Variants in SVEP1 observed in about 807,000 individuals in gnomAD.
SVEP1 encodes the protein sushi, von Willebrand factor type A, EGF and pentraxin domain containing 1, also known as sushi, von Willebrand factor type A, EGF and pentraxin domain-containing protein 1.
SVEP1 carries 164 observed loss-of-function variants against 367.3 expected under a neutral mutation model. That is an observed-to-expected ratio of 0.45 (90% confidence interval 0.39 to 0.51). The LOEUF is 0.51. Ranked by LOEUF, SVEP1 falls within the 20% of genes least tolerant of loss-of-function variation. The pLI is 0.00. For synonymous variants in SVEP1, 1,666 were observed against 1,611.6 expected (o/e 1.03, Z -0.81); for missense variants, 4,117 against 4,425.3 (o/e 0.93, Z 1.98).
intron 47 of SVEP1, 68 bp from the exon 48 acceptor site, chr9:110,366,628 CT>C (rs2118929411): frequency 6.9e-7 from 1 of 1,455,524 alleles, no homozygotes; most frequent in East Asian, 2.5e-5. Context: ...GCTAACATCT[CT>C]TTAGGAGTTG....
chr9:110,549,724 A>C, intron 2 of SVEP1, 125 bp downstream of exon 2: 1 of 1,214,034 alleles, frequency 8.2e-7, no homozygotes, highest in Non-Finnish European at 1.1e-6. Flanking sequence ...CAAAGGACAC[A>C]TGGGCATCAT....
intron 3 of SVEP1, among the ~76,000 whole-genome samples, chr9:110,528,154 G>GTATATATATATA (rs1265572366): frequency 2.4e-3 from 61 of 25,688 alleles, no homozygotes; most frequent in Non-Finnish European, 4.0e-3. Flanking sequence ...GTGTGTGTGT[G>GTATATATATATA]TGTATATATA....
chr9:110,496,613 T>C (rs1047326028), intron 8 of SVEP1, among the ~76,000 whole-genome samples: 1 of 152,228 alleles, frequency 6.6e-6, no homozygotes, highest in African/African-American at 2.4e-5. Context: ...TGGCCTATTG[T>C]GGAACTTCAC....
At chr9:110,564,664 T>A (rs1286020725) in intron 1 of SVEP1, among the ~76,000 whole-genome samples, 1 of 152,124 alleles carries the variant, frequency 6.6e-6, no homozygotes, top group African/African-American at 2.4e-5. Flanking sequence ...TCATTTTTTT[T>A]ATTTGTTTGT....
rs774256784 is a variant in SVEP1 at position 110,471,352 on chromosome 9, G to A, written c.2998+12C>T. On this transcript the variant is annotated intron_variant, in intron 16 of 47. Transcript: ENST00000374469. ...TGCACCAAATATTTTTGATCACAGG[G>A]AACAGTCTTACCACACATACGCCCT... 5.6e-6 allele frequency: 9 copies of A among 1,609,570 alleles called. No individual in the cohort carries two copies. Among genetic ancestry groups the A allele is most frequent in the Non-Finnish European group, 7.6e-6 (9 of 1,176,938 alleles).
At chr9:110,578,656 G>GTC (rs1206980017) in intron 1 of SVEP1, among the ~76,000 whole-genome samples, 5 of 152,144 alleles carry the variant, frequency 3.3e-5, no homozygotes, top group Non-Finnish European at 7.3e-5. Flanking sequence ...ATCACTCCAT[G>GTC]TCCTACCTTT....
intron 18 of SVEP1, among the ~76,000 whole-genome samples, chr9:110,461,420 G>A (rs1828855685): frequency 6.6e-6 from 1 of 152,144 alleles, no homozygotes; most frequent in Non-Finnish European, 1.5e-5. Context: ...ATGGAAGACA[G>A]AACACAAAAA....
intron 46 of SVEP1, among the ~76,000 whole-genome samples, chr9:110,372,872 G>T (rs893729873): frequency 4.6e-5 from 7 of 152,190 alleles, no homozygotes; most frequent in Non-Finnish European, 8.8e-5. Flanking sequence ...AGAATTCAGG[G>T]TGGATGTGGA....
At position 110,411,646 on chromosome 9, in the gene SVEP1, T is replaced by C. The variant is rs765746869; in HGVS notation, c.6065A>G (p.Asp2022Gly). 5 of 1,611,232 alleles carry C rather than the reference T, an allele frequency of 3.1e-6. No homozygotes were observed. The highest frequency in any genetic ancestry group is 4.2e-6 in the Non-Finnish European group (5 of 1,178,700). Residue 2022 changes from aspartate (D) to glycine (G), a missense_variant, in exon 37 of 48, where the codon GAT becomes GGT. By Grantham distance (94) the Asp-to-Gly change is moderately conservative. Around this residue, in one of 4 missense-constraint regions of SVEP1, gnomAD observed 2,174 missense variants for 2,494.3 expected, o/e 0.87. Coordinates refer to ENST00000374469, the MANE Select transcript of SVEP1 (RefSeq NM_153366.4). ...GGCGTGGTCCACAATGGGTGGCTCA[T>C]CACAGGAGACAGCCAGGCACTGCTG... ...SDQQCLAVSC[D>G]EPPIVDHASP...
chr9:110,555,816 C>T lies in SVEP1; in HGVS notation c.532-5712G>A, dbSNP rs186323044. On this transcript the variant is annotated intron_variant, in intron 1 of 47. Coordinates refer to ENST00000374469, the MANE Select transcript of SVEP1 (RefSeq NM_153366.4). ...GATTTACTGAAAATAATTTACCCCT[C>T]GCCCCAATCTTTGTGCTTCATCGTA... Among the ~76,000 whole-genome samples, 353 of 152,238 alleles carry T rather than the reference C, an allele frequency of 2.3e-3. 2 individuals are homozygous for T. Among genetic ancestry groups the T allele is most frequent in the African/African-American group, 7.7e-3 (320 of 41,538 alleles).
chr9:110,510,470 A>G (rs2118770383), intron 5 of SVEP1, among the ~76,000 whole-genome samples: 1 of 152,372 alleles, frequency 6.6e-6, no homozygotes, highest in African/African-American at 2.4e-5. Flanking sequence ...GCAGATGCAC[A>G]GATGCACGTG....
intron 44 of SVEP1, among the ~76,000 whole-genome samples, chr9:110,378,636 C>T (rs1425362094): frequency 6.6e-6 from 1 of 151,622 alleles, no homozygotes; most frequent in Non-Finnish European, 1.5e-5. Flanking sequence ...TCTTTTGTTG[C>T]CATTGCTTTT....
At chr9:110,373,625 A>ATTTTTTTTTTTTTTTTTTTTTTTTTT (rs1827308835) in intron 46 of SVEP1, among the ~76,000 whole-genome samples, 1 of 152,046 alleles carries the variant, frequency 6.6e-6, no homozygotes, top group African/African-American at 2.4e-5. Context: ...AGCAAGCCCT[A>ATTTTTTTTTTTTTTTTTTTTTTTTTT]TGTTTTAAGT....
intron 1 of SVEP1, among the ~76,000 whole-genome samples, chr9:110,555,713 G>A (rs773014376): frequency 6.6e-6 from 1 of 152,038 alleles, no homozygotes; most frequent in Non-Finnish European, 1.5e-5. Context: ...AGCAAGAATA[G>A]CAGGACTAGT....
intron 3 of SVEP1, among the ~76,000 whole-genome samples, chr9:110,545,121 C>A (rs1830202569): frequency 6.6e-6 from 1 of 152,172 alleles, no homozygotes; most frequent in South Asian, 2.1e-4. Context: ...GCTGAGTAGT[C>A]TTCCATTGTG....
intron 1 of SVEP1, among the ~76,000 whole-genome samples, chr9:110,557,668 A>G (rs889336463): frequency 1.1e-4 from 17 of 152,306 alleles, no homozygotes; most frequent in Non-Finnish European, 1.9e-4. Context: ...ATATTCAGTC[A>G]TAGTGTTTCC....
chr9:110,426,779 T>G (rs1338664964), intron 36 of SVEP1, among the ~76,000 whole-genome samples: 1 of 152,172 alleles, frequency 6.6e-6, no homozygotes, highest in Non-Finnish European at 1.5e-5. Flanking sequence ...CTCACAGGGC[T>G]TTTGCTAAGA....
intron 27 of SVEP1, among the ~76,000 whole-genome samples, chr9:110,439,589 G>A (rs1258575318): frequency 2.6e-5 from 4 of 151,598 alleles, no homozygotes; most frequent in East Asian, 1.9e-4. Context: ...TAGTAGAGAC[G>A]GGGTTTCACC....
chr9:110,474,423 G>A (rs1231715213), intron 14 of SVEP1, among the ~76,000 whole-genome samples: 1 of 152,138 alleles, frequency 6.6e-6, no homozygotes, highest in Non-Finnish European at 1.5e-5. Flanking sequence ...CACCGATCTT[G>A]TGACTTTCTA....
Sources: allele counts gnomAD v4.1 joint callset (sites outside exome capture counted in the v4.1 genomes callset), GRCh38; gene constraint gnomAD v4.1.1; regional missense constraint gnomAD v4.1.1; transcripts MANE v1.5; gene names NCBI Gene and HGNC (gene_info 2026-07-23, HGNC 2026-07-21).